CACNA1C: variants seen among roughly 807,000 people sequenced by gnomAD.
CACNA1C encodes the protein voltage-dependent L-type calcium channel subunit alpha-1C.
In CACNA1C, 30 loss-of-function variants were observed where a neutral mutation model predicts 229.0. That is an observed-to-expected ratio of 0.13 (90% CI 0.10 to 0.18). The LOEUF is 0.18. CACNA1C is among the 10% of genes least tolerant of loss of function. The pLI, the probability that CACNA1C is intolerant of heterozygous loss-of-function variation, is 1.00. For missense variants in CACNA1C, 1,658 were observed against 2,845.0 expected (o/e 0.58, Z 9.49); for synonymous variants, 1,114 against 1,132.5 (o/e 0.98, Z 0.33).
chr12:2,088,758 C>A (rs117186989), intron 1 of CACNA1C, among the ~76,000 whole-genome samples: 7 of 152,242 alleles, frequency 4.6e-5, no homozygotes, highest in Non-Finnish European at 1.0e-4. Flanking sequence ...GACCTTCCCA[C>A]TGTCCTCGGG....
rs7299478 is a variant in CACNA1C, at chr12:2,067,099, T to A, written c.49+13488T>A. ...AGAGAAAGCTTCCCCAGAAATGAAT[T>A]TGGCAAAGTGAGACAGCTGCTGACT... On this transcript the variant is annotated intron_variant, in intron 1 of 46. Coordinates refer to ENST00000399655, the MANE Select transcript of CACNA1C (RefSeq NM_000719.7). The surrounding 1 kb of genome is among the most constrained non-coding windows in gnomAD (Gnocchi z 5.3). 0.29 allele frequency among the ~76,000 whole-genome samples: 44,586 copies of A among 151,978 alleles called. 8,097 individuals carry two copies. The highest frequency in any genetic ancestry group is 0.41 in the Admixed American group (6,321 of 15,282).
intron 3 of CACNA1C, among the ~76,000 whole-genome samples, chr12:2,161,037 G>C (rs927225151): frequency 3.3e-5 from 5 of 152,206 alleles, no homozygotes; most frequent in Non-Finnish European, 5.9e-5. Flanking sequence ...AGCCAGACTG[G>C]TCTCGAACTT....
intron 10 of CACNA1C, among the ~76,000 whole-genome samples, chr12:2,552,124 G>A (rs1044892736): frequency 6.6e-6 from 1 of 152,196 alleles, no homozygotes; most frequent in Non-Finnish European, 1.5e-5. Flanking sequence ...AAGAGAACAG[G>A]CAGCAGCGCC....
intron 4 of CACNA1C, among the ~76,000 whole-genome samples, chr12:2,457,139 G>T (rs932886762): frequency 6.6e-6 from 1 of 152,244 alleles, no homozygotes; most frequent in Non-Finnish European, 1.5e-5. Context: ...CAAAGAGGGG[G>T]GGTATCTAGA....
chr12:2,061,125 A>G (rs998194294), intron 1 of CACNA1C, among the ~76,000 whole-genome samples: 2 of 130,748 alleles, frequency 1.5e-5, no homozygotes, highest in African/African-American at 3.3e-5. Context: ...GAAGGAATCA[A>G]ATCCCTTTTT....
At chr12:2,055,972 G>T (rs957339798) in intron 1 of CACNA1C, among the ~76,000 whole-genome samples, 1 of 152,158 alleles carries the variant, frequency 6.6e-6, no homozygotes, top group Non-Finnish European at 1.5e-5. Context: ...TAAAGGGGGC[G>T]GGTGAGCCAT....
At chr12:2,232,228 T>G (rs963643733) in intron 3 of CACNA1C, among the ~76,000 whole-genome samples, 5 of 67,308 alleles carry the variant, frequency 7.4e-5, no homozygotes, top group African/African-American at 9.5e-5. Context: ...TCTTTCCTTG[T>G]TTTTTTTTTT....
chr12:2,049,120 T>C (rs1464359125), upstream of CACNA1C: 1 of 152,270 alleles, frequency 6.6e-6, no homozygotes, highest in African/African-American at 2.4e-5. Flanking sequence ...TTAATATTGT[T>C]CATGTCTATG....
chr12:2,325,314 A>G (rs1401823583), intron 3 of CACNA1C, among the ~76,000 whole-genome samples: 1 of 152,240 alleles, frequency 6.6e-6, no homozygotes, highest in Admixed American at 6.5e-5. Context: ...TCTCTGATAC[A>G]GTGAGAATAC....
intron 3 of CACNA1C, among the ~76,000 whole-genome samples, chr12:2,214,818 A>G (rs954887043): frequency 1.5e-5 from 2 of 136,316 alleles, no homozygotes; most frequent in African/African-American, 5.9e-5. Flanking sequence ...CACATGGTTG[A>G]TGGACATGTG....
intron 1 of CACNA1C, among the ~76,000 whole-genome samples, chr12:1,986,641 A>G (rs897152326): frequency 4.2e-5 from 6 of 143,508 alleles, no homozygotes; most frequent in Non-Finnish European, 7.5e-5. Flanking sequence ...AGTTTTTAGA[A>G]AGAGGAGTTT....
chr12:2,623,332 T>C (rs1005811071), intron 29 of CACNA1C, among the ~76,000 whole-genome samples: 1 of 152,078 alleles, frequency 6.6e-6, no homozygotes, highest in Admixed American at 6.5e-5. Flanking sequence ...TGCTTGGTCC[T>C]GAGTGCCCCC....
At chr12:2,178,270 C>T (rs2096728140) in intron 3 of CACNA1C, among the ~76,000 whole-genome samples, 1 of 152,126 alleles carries the variant, frequency 6.6e-6, no homozygotes, top group Admixed American at 6.5e-5. Flanking sequence ...AGTTGTCATG[C>T]CAGGAGGATT....
Position 2,053,725 on chromosome 12 carries a change from G to GCGTCCGCGAGGGGCGCCTCCGCCT in CACNA1C, c.49+119_49+142dup, listed in dbSNP as rs1261624904. ...GGTCCCTGCGGAGTGGCCCGGGGCC[G>GCGTCCGCGAGGGGCGCCTCCGCCT]CGTCCGCGAGGGGCGCCTCCGCCTC... On this transcript the variant is annotated intron_variant, in intron 1 of 46. Coordinates refer to ENST00000399655, the MANE Select transcript of CACNA1C (RefSeq NM_000719.7). The surrounding 1 kb of genome is among the most constrained non-coding windows in gnomAD (Gnocchi z 5.8). 7 of 1,039,748 alleles carry GCGTCCGCGAGGGGCGCCTCCGCCT rather than the reference G, an allele frequency of 6.7e-6. No homozygotes were observed. The highest frequency in any genetic ancestry group is 8.5e-6 in the Non-Finnish European group (7 of 821,482). 64.4% of individuals were successfully genotyped at this position (1,039,748 alleles called of 1,614,324 possible).
intron 42 of CACNA1C, 129 bp from the exon 43 acceptor site, chr12:2,682,421 C>T (rs538830333): frequency 8.3e-6 from 9 of 1,081,038 alleles, no homozygotes; most frequent in Middle Eastern, 2.0e-4. Context: ...TGCCTGTTCA[C>T]GTGTGTGTGC....
chr12:2,224,648 T>G (rs2062429532), intron 3 of CACNA1C, among the ~76,000 whole-genome samples: 2 of 152,182 alleles, frequency 1.3e-5, no homozygotes, highest in Non-Finnish European at 2.9e-5. Flanking sequence ...TTTGGGATTT[T>G]GGGGAGTAGC....
Position 2,504,562 on chromosome 12 carries a change from C to G in CACNA1C, c.1114-280C>G, listed in dbSNP as rs777594202. 1.0e-5 allele frequency: 14 copies of G among 1,365,764 alleles called. No individual in the cohort carries two copies. Among genetic ancestry groups the G allele is most frequent in the Non-Finnish European group, 1.5e-5 (14 of 954,252 alleles). The allele number at this position is 1,365,764 out of a possible 1,614,324, so 84.6% of individuals were successfully genotyped here. A position where few individuals can be genotyped will look rare whatever the true frequency, so the allele number is the denominator to read the frequency against. ...CGGGTAAGCTGACCGTTTCTATGTC[C>G]TCTCCACAACGCAGCCGAGCAAGGT... On this transcript the variant is annotated intron_variant, in intron 7 of 46. Transcript: ENST00000399655. The surrounding 1 kb of genome is among the most constrained non-coding windows in gnomAD (Gnocchi z 6.8).
At chr12:2,267,722 G>A (rs2082921603) in intron 3 of CACNA1C, among the ~76,000 whole-genome samples, 1 of 152,232 alleles carries the variant, frequency 6.6e-6, no homozygotes, top group African/African-American at 2.4e-5. Context: ...TTGCCAGGCA[G>A]CTGCACTCAG....
intron 5 of CACNA1C, among the ~76,000 whole-genome samples, chr12:2,460,580 A>T (rs1211426079): frequency 1.3e-5 from 2 of 152,230 alleles, no homozygotes; most frequent in African/African-American, 4.8e-5. Flanking sequence ...CCCTGTCTCC[A>T]TCTGCACTTA....
Sources: allele counts gnomAD v4.1 joint callset (sites outside exome capture counted in the v4.1 genomes callset), GRCh38; gene constraint gnomAD v4.1.1; non-coding constraint Gnocchi (gnomAD v3.1); transcripts MANE v1.5; gene names NCBI Gene and HGNC (gene_info 2026-07-23, HGNC 2026-07-21).